RIMS4: variants seen among roughly 807,000 people sequenced by gnomAD.
RIMS4 encodes the protein regulating synaptic membrane exocytosis 4, also known as regulating synaptic membrane exocytosis protein 4.
RIMS4 carries 9 observed loss-of-function variants against 29.0 expected under a neutral mutation model. The observed-to-expected ratio is 0.31, with a 90% CI of 0.19 to 0.54. The LOEUF is 0.54. RIMS4 is among the 20% of genes least tolerant of loss of function. The probability of loss-of-function intolerance (pLI) is 0.94; values close to 1 mark genes in which losing one functional copy is unlikely to be tolerated. For synonymous variants in RIMS4, 130 were observed against 152.9 expected, an observed-to-expected ratio of 0.85 and a Z score of 1.10; for missense variants, 193 against 365.7, an observed-to-expected ratio of 0.53 and a Z score of 3.85.
chr20:44,768,224 A>G (rs1223029990), intron 2 of RIMS4, among the ~76,000 whole-genome samples: 1 of 152,214 alleles, frequency 6.6e-6, no homozygotes, highest in East Asian at 1.9e-4. Flanking sequence ...AAGCTCATGG[A>G]GGACAAGGTA....
Position 44,756,518 on chromosome 20 carries a change from A to AGCCC in RIMS4, c.592-170_592-167dup, listed in dbSNP as rs2066060887. ...TTTCTTATCACGGGGCATCACACCA[A>AGCCC]GCCCCTGGCCTCCAGAGGCTGTTGA... On this transcript the variant is annotated intron_variant, in intron 5 of 5. Transcript: ENST00000372851. The surrounding 1 kb of genome is among the most constrained non-coding windows in gnomAD (Gnocchi z 5.9). 6.6e-6 allele frequency among the ~76,000 whole-genome samples: 1 copy of AGCCC among 152,130 alleles called. No homozygotes were observed. Among genetic ancestry groups the AGCCC allele is most frequent in the Non-Finnish European group, 1.5e-5 (1 of 68,030 alleles).
intron 1 of RIMS4, among the ~76,000 whole-genome samples, chr20:44,775,672 G>A (rs980208062): frequency 2.0e-5 from 3 of 152,114 alleles, no homozygotes; most frequent in Admixed American, 1.3e-4. Context: ...GCTTCCCTGG[G>A]TCTGTTCTGG....
At chr20:44,771,993 G>A (rs1330477587) in intron 1 of RIMS4, among the ~76,000 whole-genome samples, 3 of 152,090 alleles carry the variant, frequency 2.0e-5, no homozygotes, top group African/African-American at 7.2e-5. Flanking sequence ...ACCCTTGATT[G>A]AGGACTACTC....
rs1031499156 is a variant in RIMS4, at chr20:44,752,091, C to G, written c.*4043G>C. 2 of 152,262 alleles carry G rather than the reference C, an allele frequency of 1.3e-5. No homozygotes were observed. Among genetic ancestry groups the G allele is most frequent in the African/African-American group, 4.8e-5 (2 of 41,452 alleles). 9.4% of individuals were successfully genotyped at this position (152,262 alleles called of 1,614,324 possible). On this transcript the variant is annotated 3_prime_UTR_variant, in exon 6 of 6. Coordinates refer to ENST00000372851, the MANE Select transcript of RIMS4 (RefSeq NM_182970.4). ...GCCCTGGGTTCGGCTCCATTCTGAC[C>G]TCCCTGAAGCGCTGGGTTAGACGGG...
rs939203627 is a variant in RIMS4 at position 44,755,839 on chromosome 20, G to A, written c.*295C>T. 1.1e-5 allele frequency: 4 copies of A among 364,166 alleles called. No individual in the cohort carries two copies. The highest frequency in any genetic ancestry group is 2.0e-5 in the Non-Finnish European group (4 of 197,212). 22.6% of individuals were successfully genotyped at this position (364,166 alleles called of 1,614,324 possible). The stretch of plus-strand genomic sequence containing the variant: ...AAGTTGGACAGTTTGGGAAGGGAGA[G>A]TGGTCTGCTCTGCCACCTCAATCTT... On this transcript the variant is annotated 3_prime_UTR_variant, in exon 6 of 6. Transcript: ENST00000372851.
intron 1 of RIMS4, among the ~76,000 whole-genome samples, chr20:44,784,159 T>A (rs1166377941): frequency 6.6e-6 from 1 of 152,126 alleles, no homozygotes; most frequent in Non-Finnish European, 1.5e-5. Flanking sequence ...GGCCAACTTG[T>A]ACAGTCTGTC....
At chr20:44,767,931 G>C (rs1043637323) in intron 2 of RIMS4, among the ~76,000 whole-genome samples, 5 of 152,176 alleles carry the variant, frequency 3.3e-5, no homozygotes, top group Admixed American at 6.5e-5. Flanking sequence ...CTGATTCAGT[G>C]GGTCTGGGGT....
At chr20:44,757,871 G>C in intron 3 of RIMS4, 100 bp from the exon 4 acceptor site, 1 of 1,139,154 alleles carries the variant, frequency 8.8e-7, no homozygotes, top group East Asian at 2.4e-5. Context: ...CCCTTCCCCT[G>C]CTCCCAGCCC....
At chr20:44,782,104 ATCTGAG>A (rs1473164836) in intron 1 of RIMS4, among the ~76,000 whole-genome samples, 6 of 152,196 alleles carry the variant, frequency 3.9e-5, no homozygotes, top group Admixed American at 6.5e-5. Context: ...TACTGAACTA[ATCTGAG>A]TCTAAGTTCC....
rs144619266 is a variant in RIMS4, at chr20:44,790,386, C to A, written c.98-18973G>T. 6.6e-5 allele frequency among the ~76,000 whole-genome samples: 10 copies of A among 152,154 alleles called. 1 individual carries two copies. Among genetic ancestry groups the A allele is most frequent in the African/African-American group, 2.4e-4 (10 of 41,434 alleles). On this transcript the variant is annotated intron_variant, in intron 1 of 5. Transcript: ENST00000372851. ...GCATGACACCTGTGGTCCCATAGAC[C>A]CCTCCTCCCAGGCTACCTCCTCCCC...
At chr20:44,809,036 G>A (rs2066311253) in intron 1 of RIMS4, among the ~76,000 whole-genome samples, 1 of 152,048 alleles carries the variant, frequency 6.6e-6, no homozygotes, top group Admixed American at 6.6e-5. Context: ...TTCCCCCATT[G>A]AATTCAAAGA....
chr20:44,755,954 G>C lies in RIMS4; in HGVS notation c.*180C>G, dbSNP rs561440528. ...ATCCCGTTGGGAGAGGGGAGGTCTCGGGGGTAGGAGGCAAAGAAGGGGTGA... is the reference window on the plus strand; with the variant it reads ...ATCCCGTTGGGAGAGGGGAGGTCTCCGGGGTAGGAGGCAAAGAAGGGGTGA... On this transcript the variant is annotated 3_prime_UTR_variant, in exon 6 of 6. Transcript: ENST00000372851. 1.0e-5 allele frequency: 6 copies of C among 579,274 alleles called. No homozygotes were observed. The highest frequency in any genetic ancestry group is 1.5e-5 in the Non-Finnish European group (5 of 325,486). 35.9% of individuals were successfully genotyped at this position (579,274 alleles called of 1,614,324 possible).
intron 1 of RIMS4, among the ~76,000 whole-genome samples, chr20:44,784,854 CCA>C (rs2066201054): frequency 6.6e-6 from 1 of 152,236 alleles, no homozygotes; most frequent in African/African-American, 2.4e-5. Context: ...AGCAGGTCCT[CCA>C]CACAGACACC....
chr20:44,770,946 C>T (rs913746372), intron 2 of RIMS4, among the ~76,000 whole-genome samples: 10 of 152,224 alleles, frequency 6.6e-5, no homozygotes, highest in South Asian at 2.1e-4. Flanking sequence ...GGATTGTAAA[C>T]GTCTAATCCT....
At chr20:44,807,866 G>A (rs2066305741) in intron 1 of RIMS4, among the ~76,000 whole-genome samples, 1 of 151,898 alleles carries the variant, frequency 6.6e-6, no homozygotes, top group Non-Finnish European at 1.5e-5. Context: ...AACAGACAGT[G>A]AGCACAAGAT....
chr20:44,795,018 C>T (rs1434101568), intron 1 of RIMS4, among the ~76,000 whole-genome samples: 1 of 152,310 alleles, frequency 6.6e-6, no homozygotes, highest in East Asian at 1.9e-4. Context: ...CTTTAAAGGC[C>T]TAGTATCATC....
chr20:44,801,399 C>T (rs1210005859), intron 1 of RIMS4, among the ~76,000 whole-genome samples: 1 of 152,302 alleles, frequency 6.6e-6, no homozygotes, highest in Non-Finnish European at 1.5e-5. Context: ...TTCTTAGAAA[C>T]ATCTGAATAA....
chr20:44,788,260 G>A (rs2066217332), intron 1 of RIMS4, among the ~76,000 whole-genome samples: 1 of 152,190 alleles, frequency 6.6e-6, no homozygotes, highest in Non-Finnish European at 1.5e-5. Flanking sequence ...TAAGAATTCA[G>A]TCCTCAGTTG....
rs1219784173 is a variant in RIMS4 at position 44,785,789 on chromosome 20, C to T, written c.98-14376G>A. 2.7e-5 allele frequency among the ~76,000 whole-genome samples: 4 copies of T among 146,292 alleles called. No homozygotes were observed. In the Admixed American group the frequency reaches 2.8e-4, roughly 10 times the overall value. On this transcript the variant is annotated intron_variant, in intron 1 of 5. Transcript: ENST00000372851. ...TTTTTGCCAACTCTGGTAGCTGTTGCCTGAAATACCCTGTGCTAAGAATTC... is the reference window on the plus strand; with the variant it reads ...TTTTTGCCAACTCTGGTAGCTGTTGTCTGAAATACCCTGTGCTAAGAATTC...
Sources: gnomAD v4.1 joint callset for allele counts (sites outside exome capture counted in the v4.1 genomes callset) on GRCh38, gnomAD v4.1.1 for gene constraint, Gnocchi (gnomAD v3.1) non-coding constraint, MANE v1.5 for transcripts, NCBI Gene and HGNC (gene_info 2026-07-23, HGNC 2026-07-21) for gene names.